PRKG1: variants seen among roughly 807,000 people sequenced by gnomAD.
PRKG1 encodes the protein cGMP-dependent protein kinase 1.
In PRKG1, 35 loss-of-function variants were observed where a neutral mutation model predicts 88.1. The observed-to-expected ratio is 0.40, with a 90% CI of 0.30 to 0.53. The LOEUF is 0.53. PRKG1 is among the 20% of genes least tolerant of loss of function. The pLI is 0.59. For synonymous variants in PRKG1, 303 were observed against 292.5 expected (o/e 1.04, Z -0.37); for missense variants, 540 against 839.8 (o/e 0.64, Z 4.41).
intron 2 of PRKG1, among the ~76,000 whole-genome samples, chr10:51,193,757 TAATGTTCTCA>T (rs1270430593): frequency 6.6e-6 from 1 of 152,102 alleles, no homozygotes; most frequent in Non-Finnish European, 1.5e-5. Context: ...AGAAAAAGGT[TAATGTTCTCA>T]AAATGTGTAG....
intron 3 of PRKG1, among the ~76,000 whole-genome samples, chr10:51,684,786 G>A (rs567646994): frequency 1.3e-5 from 2 of 152,228 alleles, no homozygotes; most frequent in African/African-American, 2.4e-5. Flanking sequence ...AGGATCGCTT[G>A]AGCCTGGGAG....
intron 9 of PRKG1, among the ~76,000 whole-genome samples, chr10:52,170,857 C>G (rs1838649590): frequency 7.3e-6 from 1 of 136,494 alleles, no homozygotes; most frequent in Non-Finnish European, 1.6e-5. Flanking sequence ...CTGATTCTGC[C>G]TGTCACAGAG....
intron 9 of PRKG1, among the ~76,000 whole-genome samples, chr10:52,233,759 G>A (rs1015606012): frequency 2.7e-5 from 4 of 150,622 alleles, no homozygotes; most frequent in Non-Finnish European, 4.5e-5. Flanking sequence ...CATTGCCCAG[G>A]CTTGCTTAGG....
At chr10:52,141,520 T>C (rs1837581104) in intron 8 of PRKG1, among the ~76,000 whole-genome samples, 1 of 152,156 alleles carries the variant, frequency 6.6e-6, no homozygotes, top group African/African-American at 2.4e-5. Context: ...ATGTGAACCA[T>C]CCAGACATCT....
chr10:52,206,663 T>A (rs1312772834), intron 9 of PRKG1, among the ~76,000 whole-genome samples: 1 of 152,180 alleles, frequency 6.6e-6, no homozygotes, highest in Non-Finnish European at 1.5e-5. Flanking sequence ...CTGGCTTCAT[T>A]TTTGGAAGAT....
At position 51,680,943 on chromosome 10, in the gene PRKG1, C is replaced by T. The variant is rs76375504; in HGVS notation, c.593-123642C>T. Among the ~76,000 whole-genome samples the T allele has an allele frequency of 9.9e-3, 1,510 of 152,232 alleles. 21 individuals are homozygous for T. The highest frequency in any genetic ancestry group is 0.037 in the Middle Eastern group (11 of 294). On this transcript the variant is annotated intron_variant, in intron 3 of 17. Transcript: ENST00000373980. ...GCTTTTATTTCTTGTTTTCTGAGCACTTCTTATTATGTAAGGATCTATTAA... is the reference window on the plus strand; with the variant it reads ...GCTTTTATTTCTTGTTTTCTGAGCATTTCTTATTATGTAAGGATCTATTAA...
chr10:52,086,047 G>A (rs568154333), intron 7 of PRKG1, among the ~76,000 whole-genome samples: 1 of 151,786 alleles, frequency 6.6e-6, no homozygotes, highest in South Asian at 2.1e-4. Context: ...TTATTTATTT[G>A]AAATATTGCT....
In PRKG1 at chr10:51,548,443, G is replaced by T. The variant is rs71508085; in HGVS notation, c.592+80607G>T. Among the ~76,000 whole-genome samples the T allele has an allele frequency of 6.3e-4, 96 of 151,986 alleles. 1 individual carries two copies. The highest frequency in any genetic ancestry group is 1.3e-3 in the Non-Finnish European group (91 of 67,986). On this transcript the variant is annotated intron_variant, in intron 3 of 17. Coordinates refer to ENST00000373980, the MANE Select transcript of PRKG1 (RefSeq NM_006258.4). ...AATTTATCTTATTTTTTATTCTTTAGTAGTATTTTGGCATATCACAGACCA... is the reference window on the plus strand; with the variant it reads ...AATTTATCTTATTTTTTATTCTTTATTAGTATTTTGGCATATCACAGACCA...
chr10:51,421,877 A>G (rs897984369), intron 2 of PRKG1, among the ~76,000 whole-genome samples: 3 of 152,322 alleles, frequency 2.0e-5, no homozygotes, highest in Admixed American at 6.5e-5. Context: ...ACTTACTGCT[A>G]TATTGATACT....
intron 2 of PRKG1, among the ~76,000 whole-genome samples, chr10:51,232,398 T>G (rs951868188): frequency 6.6e-6 from 1 of 152,206 alleles, no homozygotes; most frequent in East Asian, 1.9e-4. Flanking sequence ...AGCAGCTGTT[T>G]GCCAGGTATG....
chr10:51,401,279 G>T (rs1837730846), intron 2 of PRKG1, among the ~76,000 whole-genome samples: 1 of 152,070 alleles, frequency 6.6e-6, no homozygotes, highest in South Asian at 2.1e-4. Flanking sequence ...ACTCTCAATA[G>T]CCACATATCA....
At chr10:51,296,536 G>T (rs1840724973) in intron 2 of PRKG1, among the ~76,000 whole-genome samples, 1 of 151,838 alleles carries the variant, frequency 6.6e-6, no homozygotes, top group South Asian at 2.1e-4. Context: ...TCTTCTCTTT[G>T]ATTTCTGATT....
At chr10:51,793,779 T>C (rs1350881161) in intron 3 of PRKG1, among the ~76,000 whole-genome samples, 2 of 152,156 alleles carry the variant, frequency 1.3e-5, no homozygotes. Context: ...TTTTGTTTTT[T>C]GAGACAGAGT....
chr10:52,050,516 A>C (rs915246139), intron 5 of PRKG1, among the ~76,000 whole-genome samples: 4 of 152,196 alleles, frequency 2.6e-5, no homozygotes, highest in Non-Finnish European at 4.4e-5. Context: ...ATCAGCATGC[A>C]AGATCATCTT....
chr10:51,902,888 T>G (rs1338546884), intron 4 of PRKG1, among the ~76,000 whole-genome samples: 2 of 152,302 alleles, frequency 1.3e-5, no homozygotes, highest in East Asian at 1.9e-4. Flanking sequence ...GGAAATAGTT[T>G]TGACCTTTGA....
chr10:51,616,454 G>T (rs964254512), intron 3 of PRKG1, among the ~76,000 whole-genome samples: 9 of 152,158 alleles, frequency 5.9e-5, no homozygotes, highest in African/African-American at 2.2e-4. Context: ...CAGTGGCTGT[G>T]GTGGGCTTAG....
chr10:51,347,745 T>G (rs1588867428), intron 2 of PRKG1, among the ~76,000 whole-genome samples: 2 of 152,152 alleles, frequency 1.3e-5, no homozygotes, highest in African/African-American at 4.8e-5. Flanking sequence ...CAGGCCAGAT[T>G]TAGCACCGGT....
At chr10:51,885,000 G>T (rs1028347392) in intron 4 of PRKG1, among the ~76,000 whole-genome samples, 6 of 152,152 alleles carry the variant, frequency 3.9e-5, no homozygotes. Flanking sequence ...TATTCTCAGT[G>T]CTATAAGGAA....
At chr10:52,289,085 G>C in intron 16 of PRKG1, 92 bp downstream of exon 16, 1 of 1,238,766 alleles carries the variant, frequency 8.1e-7, no homozygotes, top group Non-Finnish European at 1.1e-6. Context: ...AGTATAATTA[G>C]CCTATAGGAA....
Sources: allele counts gnomAD v4.1 joint callset (sites outside exome capture counted in the v4.1 genomes callset), GRCh38; gene constraint gnomAD v4.1.1; transcripts MANE v1.5; gene names NCBI Gene and HGNC (gene_info 2026-07-23, HGNC 2026-07-21).